The following ZNF503 variants were observed in gnomAD, a reference collection of about 807,000 sequenced individuals.
The protein encoded by ZNF503 is NocA-like zinc finger 2.
ZNF503 carries 15 observed loss-of-function variants against 34.4 expected under a neutral mutation model. That is an observed-to-expected ratio of 0.44 (90% CI 0.29 to 0.67). ZNF503 has a LOEUF of 0.67. Among genes scored for constraint, ZNF503 ranks in the 30% least tolerant of loss-of-function variants. The probability of loss-of-function intolerance (pLI) is 0.13; values close to 1 mark genes in which losing one functional copy is unlikely to be tolerated. For missense variants in ZNF503, 1,007 were observed against 926.8 expected (o/e 1.09, Z -1.12); for synonymous variants, 580 against 456.8 (o/e 1.27, Z -3.44).
the ZNF503 span, among the ~76,000 whole-genome samples, chr10:75,333,011 G>A: frequency 9.3e-4 from 135 of 145,262 alleles, no homozygotes; most frequent in Non-Finnish European, 1.7e-3. Context: ...AGACGGGGTG[G>A]TGGCCGGGCA....
chr10:75,367,428 A>C, the ZNF503 span, among the ~76,000 whole-genome samples: 2 of 152,182 alleles, frequency 1.3e-5, no homozygotes, highest in South Asian at 4.1e-4. Context: ...CTTCATTCCC[A>C]GAGGTTTGGT....
chr10:75,341,692 T>G, the ZNF503 span, among the ~76,000 whole-genome samples: 1 of 152,334 alleles, frequency 6.6e-6, no homozygotes, highest in African/African-American at 2.4e-5. Context: ...CATTACTCAA[T>G]AAATGGTTTA....
At chr10:75,350,159 G>T in the ZNF503 span, among the ~76,000 whole-genome samples, 3 of 152,206 alleles carry the variant, frequency 2.0e-5, no homozygotes, top group South Asian at 2.1e-4. Flanking sequence ...ATTCACCTCT[G>T]AGGAATGGGG....
the ZNF503 span, among the ~76,000 whole-genome samples, chr10:75,363,318 C>T: frequency 6.6e-6 from 1 of 152,070 alleles, no homozygotes; most frequent in Admixed American, 6.5e-5. Flanking sequence ...TCGAGCAGTC[C>T]CTGTGGCCAG....
the ZNF503 span, among the ~76,000 whole-genome samples, chr10:75,285,654 T>C: frequency 6.6e-6 from 1 of 152,196 alleles, no homozygotes; most frequent in African/African-American, 2.4e-5. Flanking sequence ...ACTGACATGA[T>C]AGGAATATTT....
At chr10:75,376,574 G>A in the ZNF503 span, among the ~76,000 whole-genome samples, 1 of 152,066 alleles carries the variant, frequency 6.6e-6, no homozygotes, top group African/African-American at 2.4e-5. Context: ...AACCTGGGAG[G>A]TGGAGGATGC....
Position 75,401,214 on chromosome 10 carries a change from G to T in ZNF503, c.206C>A (p.Ala69Asp). Residue 69 changes from alanine to aspartate, a missense_variant, in exon 1 of 2, where the codon GCC (alanine) becomes GAC (aspartate). Coordinates refer to ENST00000372524, the MANE Select transcript of ZNF503 (RefSeq NM_032772.6). ...CAGCACCTTGATTGGCAGGCGGTTG[G>T]CCTGGCGCAGGGGGTCAGAGGGGGG... ...AVPPSDPLRQANRLPIKVLKM... is the reference protein window; with the variant it reads ...AVPPSDPLRQDNRLPIKVLKM... The T allele has an allele frequency of 6.2e-7, 1 of 1,608,028 alleles. No homozygotes were observed. The highest frequency in any genetic ancestry group is 8.5e-7 in the Non-Finnish European group (1 of 1,176,704).
At chr10:75,360,426 T>TG in the ZNF503 span, among the ~76,000 whole-genome samples, 1 of 151,996 alleles carries the variant, frequency 6.6e-6, no homozygotes, top group African/African-American at 2.4e-5. Flanking sequence ...GTGACCGGCC[T>TG]GGGGGCCCTT....
the ZNF503 span, among the ~76,000 whole-genome samples, chr10:75,345,019 A>T: frequency 6.6e-6 from 1 of 152,334 alleles, no homozygotes; most frequent in East Asian, 1.9e-4. Context: ...TATATCAGTG[A>T]TGTTAAACTC....
At chr10:75,300,168 G>A in the ZNF503 span, among the ~76,000 whole-genome samples, 2 of 152,212 alleles carry the variant, frequency 1.3e-5, no homozygotes, top group African/African-American at 4.8e-5. Context: ...TCTCAGGAAT[G>A]TTCCTTGCTG....
In ZNF503 at chr10:75,400,155, A is replaced by G. The variant is rs1300727151; in HGVS notation, c.535T>C (p.Ser179Pro). The G allele has an allele frequency of 1.9e-6, 3 of 1,544,040 alleles. No homozygotes were observed. Among genetic ancestry groups the G allele is most frequent in the Non-Finnish European group, 2.6e-6 (3 of 1,145,320 alleles). ...TCCTTCTTATCCGAGCCGGGTTTGG[A>G]GTACGGCTTGAAACTCGACTTGTCC... ...VEDKSSFKPY[S>P]KPGSDKKEPG... The change falls in exon 2 of 2, where the codon TCC (serine) becomes CCC (proline). Residue 179 changes from serine (S) to proline (P), a missense_variant. By Grantham distance (74) the Ser-to-Pro change is moderately conservative. Transcript: ENST00000372524.
chr10:75,374,203 G>A, the ZNF503 span, among the ~76,000 whole-genome samples: 30 of 152,226 alleles, frequency 2.0e-4, no homozygotes, highest in South Asian at 5.8e-3. Context: ...ATGCAACTAC[G>A]AGGTGGGAGA....
At chr10:75,396,402 G>A (rs570299852), downstream of ZNF503, among the ~76,000 whole-genome samples, 81 of 152,292 alleles carry the variant, frequency 5.3e-4, no homozygotes, top group East Asian at 5.3e-3. The surrounding 1 kb of genome is among the most constrained non-coding windows in gnomAD (Gnocchi z 4.4). Context: ...TCCAGGAGGC[G>A]GCCCGCGCGC....
At chr10:75,381,217 T>G in the ZNF503 span, among the ~76,000 whole-genome samples, 8 of 152,116 alleles carry the variant, frequency 5.3e-5, no homozygotes, top group African/African-American at 1.4e-4. Flanking sequence ...AATTTTTGTT[T>G]GTTTGTTTTG....
At chr10:75,356,361 C>T in the ZNF503 span, among the ~76,000 whole-genome samples, 2 of 152,300 alleles carry the variant, frequency 1.3e-5, no homozygotes, top group South Asian at 2.1e-4. Flanking sequence ...GGACTACACG[C>T]ACCTGCCACC....
chr10:75,380,647 G>C, the ZNF503 span, among the ~76,000 whole-genome samples: 1 of 152,208 alleles, frequency 6.6e-6, no homozygotes, highest in East Asian at 1.9e-4. Context: ...CAAAATCAAA[G>C]AGGATATGAA....
At chr10:75,289,571 C>T in the ZNF503 span, among the ~76,000 whole-genome samples, 1 of 152,026 alleles carries the variant, frequency 6.6e-6, no homozygotes, top group Non-Finnish European at 1.5e-5. Context: ...TAACATTTAC[C>T]ATGGTAACAA....
chr10:75,327,149 C>G, the ZNF503 span, among the ~76,000 whole-genome samples: 45 of 152,246 alleles, frequency 3.0e-4, no homozygotes, highest in African/African-American at 1.0e-3. Context: ...TTATACTTAC[C>G]CTGTAGTGCT....
chr10:75,388,019 A>C, the ZNF503 span, among the ~76,000 whole-genome samples: 1 of 152,194 alleles, frequency 6.6e-6, no homozygotes, highest in South Asian at 2.1e-4. Flanking sequence ...GGTTTCCAGC[A>C]GAGGAGAGGT....
Sources: allele counts gnomAD v4.1 joint callset (sites outside exome capture counted in the v4.1 genomes callset), GRCh38; gene constraint gnomAD v4.1.1; non-coding constraint Gnocchi (gnomAD v3.1); transcripts MANE v1.5; gene names NCBI Gene and HGNC (gene_info 2026-07-23, HGNC 2026-07-21).